MIA2: variants seen among roughly 807,000 people sequenced by gnomAD.
MIA2 encodes the protein MIA SH3 domain ER export factor 2, also known as melanoma inhibitory activity protein 2.
Under a neutral mutation model 167.8 loss-of-function variants are expected in MIA2, and 127 were observed. The observed-to-expected ratio is 0.76, with a 90% CI of 0.66 to 0.88. The LOEUF (loss-of-function observed/expected upper bound fraction) is 0.88, where lower values mean the gene tolerates loss of function less well. MIA2 is among the 40% of genes least tolerant of loss of function. MIA2 has a pLI of 0.00. For synonymous variants in MIA2, 552 were observed against 541.9 expected, an observed-to-expected ratio of 1.02 and a Z score of -0.26; for missense variants, 1,690 against 1,624.7, an observed-to-expected ratio of 1.04 and a Z score of -0.69.
intron 23 of MIA2, among the ~76,000 whole-genome samples, chr14:39,372,589 G>T (rs2074970172): frequency 6.6e-6 from 1 of 152,158 alleles, no homozygotes; most frequent in Admixed American, 6.5e-5. Flanking sequence ...TAACTTGAGG[G>T]TATGTTTAGT....
chr14:39,338,099 G>A (rs2070864500), intron 25 of MIA2, among the ~76,000 whole-genome samples: 3 of 152,180 alleles, frequency 2.0e-5, no homozygotes, highest in African/African-American at 4.8e-5. Flanking sequence ...ACAGTAGTGG[G>A]GAGGGGAGTG....
chr14:39,387,051 G>A, exon 24 of MIA2: 1 of 689,406 alleles, frequency 1.5e-6, no homozygotes, highest in Admixed American at 3.0e-5. Flanking sequence ...CGGGTAGCTG[G>A]CGGCGGGTAA....
In MIA2 at chr14:39,266,611, C is replaced by T. The variant is rs185984752; in HGVS notation, c.1888-10323C>T. Reference sequence around the variant, plus strand: ...ACCACAGCTGAGCCGGGACGCCTTCCTGTCTAAAGTCCAAAGTCCGGACGT... The same window carrying T: ...ACCACAGCTGAGCCGGGACGCCTTCTTGTCTAAAGTCCAAAGTCCGGACGT... On this transcript the variant is annotated intron_variant, in intron 6 of 28. Transcript: ENST00000640607. 11 of 985,522 alleles carry T rather than the reference C, an allele frequency of 1.1e-5. No homozygotes were observed. The East Asian group carries it at 1.0e-3, about 91-fold the overall frequency. The allele number at this position is 985,522 out of a possible 1,614,324, so 61.0% of individuals were successfully genotyped here. A position where few individuals can be genotyped will look rare whatever the true frequency, so the allele number is the denominator to read the frequency against.
intron 23 of MIA2, among the ~76,000 whole-genome samples, chr14:39,378,289 T>G (rs950795982): frequency 6.6e-6 from 1 of 152,192 alleles, no homozygotes; most frequent in Non-Finnish European, 1.5e-5. Flanking sequence ...CATAAAAGAT[T>G]ATTTCCAGTC....
At chr14:39,235,105 G>C (rs1304520757) in intron 1 of MIA2, among the ~76,000 whole-genome samples, 1 of 150,836 alleles carries the variant, frequency 6.6e-6, no homozygotes, top group Non-Finnish European at 1.5e-5. Flanking sequence ...GCACGATCTC[G>C]GCTCACTGCA....
rs776128128 is a variant in MIA2 at position 39,350,092 on chromosome 14, G to A, written c.4073-6G>A. The A allele has an allele frequency of 7.4e-6, 9 of 1,215,688 alleles. No individual in the cohort carries two copies. In the African/African-American group the frequency reaches 1.3e-4, roughly 17 times the overall value. The allele number at this position is 1,215,688 out of a possible 1,614,324, so 75.3% of individuals were successfully genotyped here. On this transcript the variant is annotated splice_region_variant and splice_polypyrimidine_tract_variant and intron_variant, in intron 28 of 28. Coordinates refer to ENST00000640607, the MANE Select transcript of MIA2 (RefSeq NM_001329214.4). ...AAAAATGTCTTTTACCAATCTCTTT[G>A]AACAGTGAGAAATGTCTATCCACCG...
At chr14:39,376,844 G>A (rs1477526120) in intron 23 of MIA2, among the ~76,000 whole-genome samples, 1 of 152,190 alleles carries the variant, frequency 6.6e-6, no homozygotes, top group Non-Finnish European at 1.5e-5. Context: ...AGTGAATTAT[G>A]TATTCGTCTT....
At chr14:39,381,869 C>T (rs1011811847) in intron 23 of MIA2, among the ~76,000 whole-genome samples, 2 of 149,738 alleles carry the variant, frequency 1.3e-5, no homozygotes, top group Non-Finnish European at 3.0e-5. Flanking sequence ...AATTAAACAA[C>T]ACAAATGATG....
intron 23 of MIA2, 43 bp downstream of exon 23, chr14:39,319,334 A>C (rs1449697104): frequency 1.1e-6 from 1 of 951,376 alleles, no homozygotes; most frequent in East Asian, 2.7e-5. Context: ...TACATATTTT[A>C]CATATATATA....
chr14:39,239,372 T>TACAC lies in MIA2; in HGVS notation c.250-1171_250-1168dup, dbSNP rs149021252. On this transcript the variant is annotated intron_variant, in intron 2 of 28. Coordinates refer to ENST00000640607, the MANE Select transcript of MIA2 (RefSeq NM_001329214.4). ...ACTAGCCTGGGCAGCATAGCAAGAA[T>TACAC]ACACACACACACACACACACAAATT... Among the ~76,000 whole-genome samples the TACAC allele has an allele frequency of 5.1e-3, 761 of 150,290 alleles. 9 individuals carry two copies. The highest frequency in any genetic ancestry group is 0.027 in the Middle Eastern group (8 of 294).
At chr14:39,254,617 C>T (rs956524917) in intron 6 of MIA2, among the ~76,000 whole-genome samples, 2 of 152,188 alleles carry the variant, frequency 1.3e-5, no homozygotes, top group East Asian at 3.8e-4. Flanking sequence ...ATTGTATGCG[C>T]TGTCTAAAGG....
Position 39,248,029 on chromosome 14 carries a change from A to C in MIA2, c.1455A>C (p.Ile485=). ...CAGAATTGCCATTTCCCAAACAGAT[A>C]CTGGATCAAAATAATGTAATTGAAA... ...KETELPFPKQ[I]LDQNNVIENE... Residue 485 remains isoleucine (I), a synonymous_variant, in exon 4 of 29, where the codon ATA becomes ATC. Coordinates refer to ENST00000640607, the MANE Select transcript of MIA2 (RefSeq NM_001329214.4). The C allele has an allele frequency of 6.4e-7, 1 of 1,574,172 alleles. No individual in the cohort carries two copies. Among genetic ancestry groups the C allele is most frequent in the Non-Finnish European group, 8.6e-7 (1 of 1,168,716 alleles).
At chr14:39,288,497 C>T (rs1280710511) in intron 9 of MIA2, among the ~76,000 whole-genome samples, 7 of 60,938 alleles carry the variant, frequency 1.1e-4, no homozygotes, top group African/African-American at 1.6e-4. Context: ...TTTTTTGAGA[C>T]GGAGTCTGGC....
At chr14:39,380,512 G>A (rs1295671829) in intron 23 of MIA2, among the ~76,000 whole-genome samples, 1 of 152,056 alleles carries the variant, frequency 6.6e-6, no homozygotes, top group East Asian at 1.9e-4. Context: ...GGCCAACATG[G>A]TGAAACCCTA....
intron 9 of MIA2, among the ~76,000 whole-genome samples, chr14:39,284,356 C>T (rs1037098242): frequency 7.2e-5 from 11 of 152,066 alleles, no homozygotes; most frequent in African/African-American, 2.7e-4. Context: ...GAAAATTTGA[C>T]CATATTTATT....
At chr14:39,373,462 CAA>C (rs2139331152) in intron 23 of MIA2, among the ~76,000 whole-genome samples, 1 of 152,224 alleles carries the variant, frequency 6.6e-6, no homozygotes, top group South Asian at 2.1e-4. Flanking sequence ...ATAAAAGCCA[CAA>C]AGAGCAGAGC....
At position 39,279,532 on chromosome 14, in the gene MIA2, A is replaced by G; in HGVS notation, c.2125A>G (p.Lys709Glu). The change falls in exon 9 of 29, where the codon AAA becomes GAA. Residue 709 changes from lysine to glutamate, a missense_variant. Lys to Glu is a moderately conservative substitution (Grantham distance 56). Transcript: ENST00000640607. Reference protein sequence around the residue: ...KLLEKFSLVQKEYEGYEVESS... With the variant: ...KLLEKFSLVQEEYEGYEVESS... ...ACTTGAAAAATTTAGCCTTGTTCAA[A>G]AAGAGGTAAGATATTTTTGAAAATA... The G allele has an allele frequency of 6.3e-7, 1 of 1,590,466 alleles. No individual in the cohort carries two copies. The highest frequency in any genetic ancestry group is 8.6e-7 in the Non-Finnish European group (1 of 1,164,334).
intron 9 of MIA2, among the ~76,000 whole-genome samples, chr14:39,282,868 C>T (rs576061065): frequency 6.4e-4 from 97 of 152,300 alleles, no homozygotes; most frequent in Non-Finnish European, 9.3e-4. Flanking sequence ...CCACCATACC[C>T]GGCCATATTT....
intron 26 of MIA2, chr14:39,346,989 G>T (rs1387824605): frequency 1.8e-5 from 4 of 220,854 alleles, no homozygotes; most frequent in Non-Finnish European, 2.7e-5. Context: ...GAGTGCAGTG[G>T]CTCCATCTCG....
Sources: allele counts gnomAD v4.1 joint callset (sites outside exome capture counted in the v4.1 genomes callset), GRCh38; gene constraint gnomAD v4.1.1; transcripts MANE v1.5; gene names NCBI Gene and HGNC (gene_info 2026-07-23, HGNC 2026-07-21).